Variants in IRF2 observed in about 807,000 individuals in gnomAD.
IRF2 encodes interferon regulatory factor 2.
Under a neutral mutation model 40.6 loss-of-function variants are expected in IRF2, and 15 were observed. The observed-to-expected ratio is 0.37, with a 90% CI of 0.25 to 0.57. IRF2 has a LOEUF of 0.57. Among genes scored for constraint, IRF2 ranks in the 20% least tolerant of loss-of-function variants. The pLI is 0.77. For missense variants in IRF2, 317 were observed against 455.7 expected (o/e 0.70, Z 2.77); for synonymous variants, 151 against 165.5 (o/e 0.91, Z 0.67).
intron 6 of IRF2, among the ~76,000 whole-genome samples, chr4:184,407,860 C>T (rs957302171): frequency 1.1e-4 from 16 of 152,184 alleles, no homozygotes; most frequent in Non-Finnish European, 2.2e-4. Context: ...CTTTTGCCCA[C>T]GTGAACCAAA....
intron 1 of IRF2, among the ~76,000 whole-genome samples, chr4:184,467,979 C>T (rs1159801254): frequency 6.6e-6 from 1 of 152,134 alleles, no homozygotes; most frequent in Non-Finnish European, 1.5e-5. Flanking sequence ...ACTTAGAATC[C>T]ATCATCAGAA....
At chr4:184,416,113 C>G (rs2149899118) in intron 5 of IRF2, among the ~76,000 whole-genome samples, 1 of 152,150 alleles carries the variant, frequency 6.6e-6, no homozygotes, top group South Asian at 2.1e-4. Flanking sequence ...GAGTTTGAGA[C>G]CAGCCTGGGC....
intron 5 of IRF2, among the ~76,000 whole-genome samples, chr4:184,410,493 T>C (rs7690722): frequency 0.93 from 141,065 of 152,246 alleles, 65,416 homozygotes; most frequent in East Asian, 1. Flanking sequence ...CAATTCTCCA[T>C]CTCTCCAACA....
At chr4:184,409,587 C>T (rs935536023) in intron 5 of IRF2, among the ~76,000 whole-genome samples, 1 of 152,146 alleles carries the variant, frequency 6.6e-6, no homozygotes, top group African/African-American at 2.4e-5. Flanking sequence ...CTTACAAGTT[C>T]TAAATAAGAA....
intron 3 of IRF2, 82 bp from the exon 4 acceptor site, chr4:184,418,790 G>T (rs2149900198): frequency 2.5e-6 from 3 of 1,212,450 alleles, no homozygotes; most frequent in Non-Finnish European, 3.5e-6. Flanking sequence ...CAGTATTGCT[G>T]GTCAGGCAGT....
intron 2 of IRF2, among the ~76,000 whole-genome samples, chr4:184,426,366 T>C (rs1737674241): frequency 6.6e-6 from 1 of 152,198 alleles, no homozygotes; most frequent in Non-Finnish European, 1.5e-5. Flanking sequence ...TCGCCTCTTC[T>C]TGGAGTCCCT....
chr4:184,397,175 C>T (rs561259674), intron 7 of IRF2, among the ~76,000 whole-genome samples: 2 of 152,362 alleles, frequency 1.3e-5, no homozygotes, highest in South Asian at 4.1e-4. Context: ...TCTATTCTCA[C>T]ATTCCACTTA....
rs916054745 is a variant in IRF2, at chr4:184,423,376, G to C, written c.88-3808C>G. Among the ~76,000 whole-genome samples the C allele has an allele frequency of 4.6e-5, 7 of 152,316 alleles. No homozygotes were observed. The South Asian group carries it at 1.4e-3, about 32-fold the overall frequency. On this transcript the variant is annotated intron_variant, in intron 2 of 8. Coordinates refer to ENST00000393593, the MANE Select transcript of IRF2 (RefSeq NM_002199.4). ...TCAGAAAAGCATCTGACATTATTTT[G>C]AGCAATGTAGAACAATGTTCCTTGG...
intron 2 of IRF2, among the ~76,000 whole-genome samples, chr4:184,423,785 G>GA (rs891426394): frequency 1.3e-5 from 2 of 151,928 alleles, no homozygotes; most frequent in East Asian, 1.9e-4. Context: ...TGGCGAGAAG[G>GA]AAAAAAACAG....
intron 1 of IRF2, among the ~76,000 whole-genome samples, chr4:184,442,455 C>T (rs896523351): frequency 2.0e-5 from 3 of 152,146 alleles, no homozygotes; most frequent in African/African-American, 7.2e-5. Flanking sequence ...TGGGTGCTTC[C>T]AGGGTCTTTT....
In IRF2 at chr4:184,419,449, G is replaced by T; in HGVS notation, c.187+20C>A. 3 of 1,484,246 alleles carry T rather than the reference G, an allele frequency of 2.0e-6. No homozygotes were observed. Among genetic ancestry groups the T allele is most frequent in the Non-Finnish European group, 2.8e-6 (3 of 1,066,742 alleles). The allele number at this position is 1,484,246 out of a possible 1,614,324, so 91.9% of individuals were successfully genotyped here. ...AGCAAGAGTGCCTTCCTCTATAAAC[G>T]CCGCAGGGAGTTTTAGTACCTGTAT... On this transcript the variant is annotated intron_variant, in intron 3 of 8. Coordinates refer to ENST00000393593, the MANE Select transcript of IRF2 (RefSeq NM_002199.4).
chr4:184,431,291 T>C (rs1319791871), intron 1 of IRF2, among the ~76,000 whole-genome samples: 3 of 152,198 alleles, frequency 2.0e-5, no homozygotes, highest in Non-Finnish European at 4.4e-5. Flanking sequence ...CATCCACCCA[T>C]TCAAAGGTCA....
intron 6 of IRF2, among the ~76,000 whole-genome samples, chr4:184,402,262 G>C (rs1342786502): frequency 6.6e-6 from 1 of 152,188 alleles, no homozygotes; most frequent in Non-Finnish European, 1.5e-5. Flanking sequence ...AGGAATCAAA[G>C]GCTTCAATGA....
intron 1 of IRF2, among the ~76,000 whole-genome samples, chr4:184,466,663 T>C (rs947305397): frequency 1.3e-5 from 2 of 152,208 alleles, no homozygotes; most frequent in Non-Finnish European, 2.9e-5. Context: ...CCTCACATAG[T>C]GAGTATCAGT....
intron 5 of IRF2, among the ~76,000 whole-genome samples, chr4:184,412,692 C>G (rs998052587): frequency 1.3e-5 from 2 of 152,036 alleles, no homozygotes; most frequent in African/African-American, 4.8e-5. Flanking sequence ...GGCCTCCTGC[C>G]CGGTCCCAGA....
intron 1 of IRF2, among the ~76,000 whole-genome samples, chr4:184,433,852 C>T (rs1282858998): frequency 6.6e-6 from 1 of 152,226 alleles, no homozygotes; most frequent in Admixed American, 6.5e-5. Context: ...CCATTTGACA[C>T]AGGTTTCTCA....
intron 2 of IRF2, among the ~76,000 whole-genome samples, chr4:184,426,093 G>A (rs773223906): frequency 6.6e-6 from 1 of 152,100 alleles, no homozygotes; most frequent in Non-Finnish European, 1.5e-5. Context: ...CTCCACCACT[G>A]CAACCTCAAC....
intron 1 of IRF2, 77 bp from the exon 2 acceptor site, chr4:184,429,147 C>T: frequency 8.9e-7 from 1 of 1,129,828 alleles, no homozygotes; most frequent in Non-Finnish European, 1.3e-6. Flanking sequence ...CTACACCCCG[C>T]CTGACTCTTT....
At chr4:184,417,393 G>A (rs1042073194) in intron 5 of IRF2, among the ~76,000 whole-genome samples, 2 of 152,224 alleles carry the variant, frequency 1.3e-5, no homozygotes, top group East Asian at 3.8e-4. Context: ...CATCTGCAAA[G>A]GGAGGCCAGG....
Sources: allele counts gnomAD v4.1 joint callset (sites outside exome capture counted in the v4.1 genomes callset), GRCh38; gene constraint gnomAD v4.1.1; transcripts MANE v1.5; gene names NCBI Gene and HGNC (gene_info 2026-07-23, HGNC 2026-07-21).